The following IMMP1L variants were observed in gnomAD, a reference collection of about 807,000 sequenced individuals.
The protein encoded by IMMP1L is mitochondrial inner membrane protease subunit 1.
In IMMP1L, 24 loss-of-function variants were observed where a neutral mutation model predicts 21.8. The observed-to-expected ratio is 1.10, with a 90% CI of 0.80 to 1.55. The LOEUF (loss-of-function observed/expected upper bound fraction) is 1.55, where lower values mean the gene tolerates loss of function less well. IMMP1L is among the 40% of genes most tolerant of loss of function. The pLI is 0.00. For missense variants in IMMP1L, 195 were observed against 200.7 expected (o/e 0.97, Z 0.17); for synonymous variants, 46 against 62.8 (o/e 0.73, Z 1.26).
intron 1 of IMMP1L, chr11:31,477,555 T>C (rs1033750242): frequency 3.0e-6 from 3 of 985,218 alleles, no homozygotes; most frequent in Non-Finnish European, 3.6e-6. Context: ...AGGGCAGAAA[T>C]AGCTTTGAGC....
chr11:31,495,005 TC>T (rs1955385461), intron 1 of IMMP1L, among the ~76,000 whole-genome samples: 1 of 152,184 alleles, frequency 6.6e-6, no homozygotes, highest in Non-Finnish European at 1.5e-5. Context: ...AGAAATTTCT[TC>T]CACCAGATAC....
intron 2 of IMMP1L, among the ~76,000 whole-genome samples, chr11:31,461,439 A>G (rs1403841502): frequency 6.6e-6 from 1 of 152,160 alleles, no homozygotes; most frequent in African/African-American, 2.4e-5. Flanking sequence ...AGATTTTCCT[A>G]TTTGTATGTC....
intron 1 of IMMP1L, among the ~76,000 whole-genome samples, chr11:31,504,894 A>G (rs1955732136): frequency 6.6e-6 from 1 of 152,232 alleles, no homozygotes; most frequent in Admixed American, 6.5e-5. Flanking sequence ...CTGTGGTGCT[A>G]CAACTCAGGA....
intron 4 of IMMP1L, chr11:31,448,831 CA>C (rs1953634784): frequency 2.1e-6 from 1 of 482,500 alleles, no homozygotes; most frequent in African/African-American, 2.1e-5. Context: ...CTAGGAGCCT[CA>C]AAGATTATTC....
At chr11:31,488,787 T>C (rs1221998738) in intron 1 of IMMP1L, among the ~76,000 whole-genome samples, 2 of 152,168 alleles carry the variant, frequency 1.3e-5, no homozygotes, top group Non-Finnish European at 2.9e-5. Context: ...AGCAATACGT[T>C]TGACACTGAC....
At chr11:31,486,709 A>C (rs1955090265) in intron 1 of IMMP1L, among the ~76,000 whole-genome samples, 1 of 151,958 alleles carries the variant, frequency 6.6e-6, no homozygotes, top group South Asian at 2.1e-4. Flanking sequence ...AAATTCTGGC[A>C]CATTTAATTC....
intron 4 of IMMP1L, among the ~76,000 whole-genome samples, chr11:31,447,992 G>C (rs1014640994): frequency 1.3e-5 from 2 of 152,104 alleles, no homozygotes; most frequent in African/African-American, 4.8e-5. Flanking sequence ...CTCAACAGCA[G>C]TTTTTCCAGT....
At chr11:31,471,123 C>T (rs1055024622) in intron 1 of IMMP1L, among the ~76,000 whole-genome samples, 2 of 152,080 alleles carry the variant, frequency 1.3e-5, no homozygotes, top group African/African-American at 4.8e-5. Flanking sequence ...TTAATATTCC[C>T]AACACAGAGA....
chr11:31,484,301 T>C (rs1415225423), intron 1 of IMMP1L, among the ~76,000 whole-genome samples: 2 of 151,962 alleles, frequency 1.3e-5, no homozygotes, highest in Non-Finnish European at 2.9e-5. Context: ...GATTTTGTTA[T>C]GTAAATATAA....
chr11:31,433,417 T>C (rs369134104), intron 5 of IMMP1L, 43 bp downstream of exon 5: 49 of 1,152,540 alleles, frequency 4.3e-5, no homozygotes, highest in Non-Finnish European at 5.9e-5. Flanking sequence ...AAACTTTTTC[T>C]AGCTCAGAAA....
At chr11:31,505,790 G>T (rs1955758808) in intron 1 of IMMP1L, among the ~76,000 whole-genome samples, 1 of 152,114 alleles carries the variant, frequency 6.6e-6, no homozygotes, top group Non-Finnish European at 1.5e-5. Context: ...ACGAAGACCT[G>T]TATAATGATC....
intron 1 of IMMP1L, among the ~76,000 whole-genome samples, chr11:31,488,619 C>T (rs974598276): frequency 2.0e-5 from 3 of 152,022 alleles, no homozygotes; most frequent in African/African-American, 7.3e-5. Flanking sequence ...TGCAGGTCAG[C>T]ATGAATACCT....
intron 4 of IMMP1L, among the ~76,000 whole-genome samples, chr11:31,438,191 T>G (rs1331741439): frequency 6.6e-6 from 1 of 152,172 alleles, no homozygotes; most frequent in Non-Finnish European, 1.5e-5. Context: ...ATGACTGTGT[T>G]CCTGTTGTTC....
Position 31,444,588 on chromosome 11 carries a change from CT to C in IMMP1L, c.322-11019del, listed in dbSNP as rs1219601245. On this transcript the variant is annotated intron_variant, in intron 4 of 5. Coordinates refer to ENST00000532287, the MANE Select transcript of IMMP1L (RefSeq NM_001304274.2). ...AGCAGTAAAAACTAACATTTCTATT[CT>C]TTTTTTTTTTTTTTTTCTGAGACAG... Among the ~76,000 whole-genome samples, 301 of 130,376 alleles carry C rather than the reference CT, an allele frequency of 2.3e-3. 3 individuals are homozygous for C. Among genetic ancestry groups the C allele is most frequent in the South Asian group, 0.019 (76 of 4,008 alleles). 85.5% of individuals were successfully genotyped at this position (130,376 alleles called of 152,430 possible). A position where few individuals can be genotyped will look rare whatever the true frequency, so the allele number is the denominator to read the frequency against.
chr11:31,448,839 ATTC>A, intron 4 of IMMP1L: 2 of 529,546 alleles, frequency 3.8e-6, no homozygotes, highest in Non-Finnish European at 4.8e-6. Context: ...CTCAAAGATT[ATTC>A]TTTAGTGTTG....
intron 4 of IMMP1L, among the ~76,000 whole-genome samples, chr11:31,435,661 T>C (rs1477067270): frequency 1.3e-5 from 2 of 152,230 alleles, no homozygotes; most frequent in Admixed American, 6.5e-5. Flanking sequence ...CTCTGTGATA[T>C]CTTTTTGCAT....
intron 3 of IMMP1L, among the ~76,000 whole-genome samples, chr11:31,458,227 T>C (rs566686531): frequency 4.6e-5 from 7 of 152,290 alleles, no homozygotes; most frequent in African/African-American, 1.7e-4. Flanking sequence ...AGCGTTTAGA[T>C]CAAAATACAT....
At chr11:31,468,919 T>G (rs1364180557) in intron 1 of IMMP1L, among the ~76,000 whole-genome samples, 1 of 152,132 alleles carries the variant, frequency 6.6e-6, no homozygotes, top group African/African-American at 2.4e-5. Flanking sequence ...ACTGTACATT[T>G]TTACTAGTAA....
chr11:31,501,388 A>G (rs1955612527), intron 1 of IMMP1L, among the ~76,000 whole-genome samples: 1 of 152,138 alleles, frequency 6.6e-6, no homozygotes, highest in Non-Finnish European at 1.5e-5. Flanking sequence ...GAAAATTATA[A>G]ATGAGATTGA....
Sources: gnomAD v4.1 joint callset for allele counts (sites outside exome capture counted in the v4.1 genomes callset) on GRCh38, gnomAD v4.1.1 for gene constraint, MANE v1.5 for transcripts, NCBI Gene and HGNC (gene_info 2026-07-23, HGNC 2026-07-21) for gene names.